Variants in RBMS1 observed in about 807,000 individuals in gnomAD.
RBMS1 encodes the protein RNA binding motif single stranded interacting protein 1, also known as RNA-binding motif, single-stranded-interacting protein 1.
RBMS1 carries 17 observed loss-of-function variants against 62.3 expected under a neutral mutation model. That is an observed-to-expected ratio of 0.27 (90% CI 0.19 to 0.41). The LOEUF (loss-of-function observed/expected upper bound fraction) is 0.41. RBMS1 is among the 10% of genes least tolerant of loss of function. The pLI is 1.00. For synonymous variants in RBMS1, 172 were observed against 170.0 expected (o/e 1.01, Z -0.09); for missense variants, 334 against 504.5 (o/e 0.66, Z 3.24).
At chr2:160,395,190 T>A (rs950348010) in intron 1 of RBMS1, among the ~76,000 whole-genome samples, 1 of 152,244 alleles carries the variant, frequency 6.6e-6, no homozygotes, top group Admixed American at 6.5e-5. Flanking sequence ...CAATACTACA[T>A]AGTATGTAGT....
chr2:160,357,568 C>T (rs1192183241), intron 2 of RBMS1, among the ~76,000 whole-genome samples: 2 of 152,184 alleles, frequency 1.3e-5, no homozygotes, highest in East Asian at 3.9e-4. Flanking sequence ...GTTTCAACAA[C>T]TCAGGATGAC....
At chr2:160,420,518 CAAT>C (rs1381507536) in intron 1 of RBMS1, among the ~76,000 whole-genome samples, 1 of 152,138 alleles carries the variant, frequency 6.6e-6, no homozygotes, top group Admixed American at 6.5e-5. Flanking sequence ...ATTGAAGATA[CAAT>C]GATGGCCAAG....
chr2:160,358,651 C>CTA (rs1246263105), intron 2 of RBMS1, among the ~76,000 whole-genome samples: 1 of 152,004 alleles, frequency 6.6e-6, no homozygotes, highest in African/African-American at 2.4e-5. Flanking sequence ...GTGCAAGAAG[C>CTA]TATATAATAG....
chr2:160,308,339 T>C (rs1689663290), intron 4 of RBMS1, among the ~76,000 whole-genome samples: 1 of 152,034 alleles, frequency 6.6e-6, no homozygotes, highest in Admixed American at 6.6e-5. Context: ...GAGGTTGCAG[T>C]GAGCCGATAT....
chr2:160,290,931 T>C (rs1418161025), intron 6 of RBMS1, among the ~76,000 whole-genome samples: 3 of 152,212 alleles, frequency 2.0e-5, no homozygotes, highest in Non-Finnish European at 4.4e-5. Flanking sequence ...AGGCTCAGGC[T>C]GACTTGCTGC....
In RBMS1 at chr2:160,281,350, C is replaced by T. The variant is rs766046451; in HGVS notation, c.915G>A (p.Ser305=). 13 of 1,609,052 alleles carry T rather than the reference C, an allele frequency of 8.1e-6. No homozygotes were observed. The East Asian group carries it at 8.9e-5, about 11-fold the overall frequency. The change falls in exon 10 of 14, where the codon TCG becomes TCA. Residue 305 remains serine, a synonymous_variant. Coordinates refer to ENST00000348849, the MANE Select transcript of RBMS1 (RefSeq NM_016836.4). The part of the protein sequence containing the change: ...PVSAYQVQSP[S]WMQPQPYILQ... ...GAATATATGGTTGAGGTTGCATCCACGAAGGACTTTGCACCTAGAAAAGGG... is the reference window on the plus strand; with the variant it reads ...GAATATATGGTTGAGGTTGCATCCATGAAGGACTTTGCACCTAGAAAAGGG...
intron 1 of RBMS1, among the ~76,000 whole-genome samples, chr2:160,449,730 T>A (rs1330671829): frequency 1.3e-5 from 2 of 152,116 alleles, no homozygotes; most frequent in Non-Finnish European, 2.9e-5. Flanking sequence ...CCAGAGACCC[T>A]TGTTCCCATG....
chr2:160,405,594 TATA>T (rs1193613195), intron 1 of RBMS1, among the ~76,000 whole-genome samples: 2 of 152,198 alleles, frequency 1.3e-5, no homozygotes, highest in African/African-American at 4.8e-5. Flanking sequence ...CTTGTGTCTG[TATA>T]ATGCCTACAC....
intron 1 of RBMS1, among the ~76,000 whole-genome samples, chr2:160,453,167 G>A (rs1414144722): frequency 6.6e-6 from 1 of 151,890 alleles, no homozygotes; most frequent in Non-Finnish European, 1.5e-5. Flanking sequence ...AGTTTGCCAG[G>A]CAAAAGGGAG....
chr2:160,418,254 G>A (rs928685380), intron 1 of RBMS1, among the ~76,000 whole-genome samples: 2 of 152,078 alleles, frequency 1.3e-5, no homozygotes. Context: ...ACACAGACAC[G>A]CATACACTCC....
chr2:160,295,513 T>TAAAAGG (rs1688890881), intron 6 of RBMS1, among the ~76,000 whole-genome samples: 1 of 152,254 alleles, frequency 6.6e-6, no homozygotes, highest in African/African-American at 2.4e-5. Flanking sequence ...GCTCTCAATG[T>TAAAAGG]AAAAGGAACT....
rs1265758048 is a variant in RBMS1, at chr2:160,484,964, G to T, written c.75+8325C>A. On this transcript the variant is annotated intron_variant, in intron 1 of 13. Transcript: ENST00000348849. The stretch of plus-strand genomic sequence containing the variant: ...GACAGAATTTTTACTTTGTCTTTTT[G>T]TTTCCTTCTGGTTGCCAGCCTCAAG... 2.0e-5 allele frequency among the ~76,000 whole-genome samples: 3 copies of T among 152,108 alleles called. No individual in the cohort carries two copies. In the East Asian group the frequency reaches 5.8e-4, roughly 29 times the overall value.
chr2:160,308,350 C>A (rs1375820422), intron 4 of RBMS1, among the ~76,000 whole-genome samples: 1 of 152,024 alleles, frequency 6.6e-6, no homozygotes. Flanking sequence ...GAGCCGATAT[C>A]ACCCCACTGC....
chr2:160,284,721 G>A (rs1220337729), intron 9 of RBMS1, 54 bp downstream of exon 9: 2 of 1,297,738 alleles, frequency 1.5e-6, no homozygotes, highest in African/African-American at 2.9e-5. Context: ...AAATGTAGCA[G>A]AGATTCATGG....
chr2:160,382,516 T>C (rs1346985297), intron 1 of RBMS1, among the ~76,000 whole-genome samples: 1 of 152,218 alleles, frequency 6.6e-6, no homozygotes, highest in Non-Finnish European at 1.5e-5. Context: ...ACATGGGGTA[T>C]ATGGGTATCT....
At chr2:160,362,618 T>C (rs1693190789) in intron 2 of RBMS1, among the ~76,000 whole-genome samples, 1 of 152,148 alleles carries the variant, frequency 6.6e-6, no homozygotes, top group Non-Finnish European at 1.5e-5. Flanking sequence ...TAAAGATCAC[T>C]AATCACAGAT....
Position 160,429,961 on chromosome 2 carries a change from C to T in RBMS1, c.76-62570G>A, listed in dbSNP as rs118156842. On this transcript the variant is annotated intron_variant, in intron 1 of 13. Coordinates refer to ENST00000348849, the MANE Select transcript of RBMS1 (RefSeq NM_016836.4). ...GCCTGAAGAGGCTTTCAGCCAATCA[C>T]CCTGTAAAGAAATCTGGGCTAGTCT... 1.9e-3 allele frequency among the ~76,000 whole-genome samples: 296 copies of T among 152,366 alleles called. 7 individuals are homozygous for T. The East Asian group carries it at 0.053, about 27-fold the overall frequency.
At chr2:160,413,048 G>C (rs1386118935) in intron 1 of RBMS1, among the ~76,000 whole-genome samples, 2 of 152,196 alleles carry the variant, frequency 1.3e-5, no homozygotes, top group African/African-American at 4.8e-5. Context: ...AGATGTCCAA[G>C]AGATAAGAAT....
At chr2:160,391,502 G>A (rs889707636) in intron 1 of RBMS1, among the ~76,000 whole-genome samples, 3 of 152,094 alleles carry the variant, frequency 2.0e-5, no homozygotes, top group African/African-American at 7.2e-5. Context: ...ATACTCAGGT[G>A]CTTCGGTAGT....
Sources: allele counts gnomAD v4.1 joint callset (sites outside exome capture counted in the v4.1 genomes callset), GRCh38; gene constraint gnomAD v4.1.1; transcripts MANE v1.5; gene names NCBI Gene and HGNC (gene_info 2026-07-23, HGNC 2026-07-21).